Variants in SMARCB1 observed in about 807,000 individuals in gnomAD.
SMARCB1 encodes SWI/SNF related BAF chromatin remodeling complex subunit B1.
Under a neutral mutation model 49.0 loss-of-function variants are expected in SMARCB1, and 5 were observed. The observed-to-expected ratio is 0.10, with a 90% confidence interval of 0.05 to 0.21. The LOEUF (loss-of-function observed/expected upper bound fraction) is 0.21, where lower values mean the gene tolerates loss of function less well. SMARCB1 is among the 10% of genes least tolerant of loss of function. The pLI is 1.00. For synonymous variants in SMARCB1, 201 were observed against 200.1 expected (o/e 1.00, Z -0.04); for missense variants, 226 against 509.2 (o/e 0.44, Z 5.35).
rs564519294 is a variant in SMARCB1, at chr22:23,834,278, C to A, written c.*98C>A. 7.4e-7 allele frequency: 1 copy of A among 1,346,040 alleles called. No individual in the cohort carries two copies. Among genetic ancestry groups the A allele is most frequent in the Non-Finnish European group, 1.0e-6 (1 of 967,246 alleles). The allele number at this position is 1,346,040 out of a possible 1,614,324, so 83.4% of individuals were successfully genotyped here. ...GGACAGAGGCGAGGGGACAGCCCAG[C>A]GCCATCCTGAGGATCGGGTGGGGGT... is the stretch of plus-strand genomic sequence containing the variant. On this transcript the variant is annotated 3_prime_UTR_variant, in exon 9 of 9. Transcript: ENST00000644036.
intron 3 of SMARCB1, among the ~76,000 whole-genome samples, chr22:23,799,679 ATTTTT>A (rs71184912): frequency 4.2e-4 from 29 of 68,410 alleles, no homozygotes; most frequent in East Asian, 4.7e-4. Context: ...CACCTGGCTA[ATTTTT>A]TTTTTTTTTT....
In SMARCB1 at chr22:23,834,341, T is replaced by G; in HGVS notation, c.*161T>G. 1.3e-6 allele frequency: 1 copy of G among 774,764 alleles called. No homozygotes were observed. Among genetic ancestry groups the G allele is most frequent in the South Asian group, 1.5e-5 (1 of 68,640 alleles). The allele number at this position is 774,764 out of a possible 1,614,324, so 48.0% of individuals were successfully genotyped here. On this transcript the variant is annotated 3_prime_UTR_variant, in exon 9 of 9. Transcript: ENST00000644036. Reference sequence around the variant, plus strand: ...TCCAGGTGGCCCTTCCCGGCACACATTCCATTTGTTGAGCCCCAGTCCTGC... The same window carrying G: ...TCCAGGTGGCCCTTCCCGGCACACAGTCCATTTGTTGAGCCCCAGTCCTGC...
At chr22:23,831,907 G>A (rs1451980597) in intron 7 of SMARCB1, among the ~76,000 whole-genome samples, 1 of 152,116 alleles carries the variant, frequency 6.6e-6, no homozygotes. Flanking sequence ...CCCAGAGGGT[G>A]GGGGTGCCGA....
At position 23,811,330 on chromosome 22, in the gene SMARCB1, A is replaced by G. The variant is rs1015185563; in HGVS notation, c.629-5440A>G. ...AGACCTCAGCATTCCTCTCTCAACA[A>G]CCGATGGAACTGGATGGAAAATCAG... On this transcript the variant is annotated intron_variant, in intron 5 of 8. Transcript: ENST00000644036. Among the ~76,000 whole-genome samples, 3 of 152,178 alleles carry G rather than the reference A, an allele frequency of 2.0e-5. No individual in the cohort carries two copies. The East Asian group carries it at 5.8e-4, about 29-fold the overall frequency.
Position 23,787,007 on chromosome 22 carries a change from G to A in SMARCB1, c.-163G>A. 2.0e-5 allele frequency: 9 copies of A among 445,198 alleles called. No individual in the cohort carries two copies. The South Asian group carries it at 2.9e-4, about 15-fold the overall frequency. The allele number at this position is 445,198 out of a possible 1,614,324, so 27.6% of individuals were successfully genotyped here. A position where few individuals can be genotyped will look rare whatever the true frequency, so the allele number is the denominator to read the frequency against. On this transcript the variant is annotated 5_prime_UTR_variant, in exon 1 of 9. Coordinates refer to ENST00000644036, the MANE Select transcript of SMARCB1 (RefSeq NM_003073.5). The stretch of plus-strand genomic sequence containing the variant: ...TGAGGGCGGCCTGGTCGTCGTCTGC[G>A]GCGGCGGCGGCGGCTGAGGAGCCCG...
intron 3 of SMARCB1, among the ~76,000 whole-genome samples, chr22:23,794,790 C>G (rs1194961301): frequency 1.3e-5 from 2 of 151,946 alleles, no homozygotes; most frequent in Admixed American, 6.6e-5. Flanking sequence ...CCCAGCTACT[C>G]GGGAGCCTGA....
chr22:23,808,282 G>A (rs1929640432), intron 5 of SMARCB1, among the ~76,000 whole-genome samples: 1 of 152,112 alleles, frequency 6.6e-6, no homozygotes, highest in Admixed American at 6.6e-5. Context: ...CGCCATGCCC[G>A]GCTAATTTTT....
chr22:23,836,202 G>C lies in SMARCB1; in HGVS notation c.*2022G>C, dbSNP rs1282598335. ...GCTAAGGTGAAAACTTAGGCTCTGA[G>C]GTCATAGAAAGGGCAGAAGACCTAG... On this transcript the variant is annotated 3_prime_UTR_variant, in exon 9 of 9. Transcript: ENST00000644036. The C allele has an allele frequency of 3.0e-6, 3 of 985,316 alleles. No individual in the cohort carries two copies. The highest frequency in any genetic ancestry group is 1.2e-4 in the Admixed American group (2 of 16,260). 61.0% of individuals were successfully genotyped at this position (985,316 alleles called of 1,614,324 possible).
intron 7 of SMARCB1, among the ~76,000 whole-genome samples, chr22:23,828,165 G>A (rs1027160067): frequency 1.3e-5 from 2 of 152,148 alleles, no homozygotes; most frequent in Non-Finnish European, 2.9e-5. Flanking sequence ...CCATTCTCCT[G>A]CCTCAGGCTC....
chr22:23,813,705 T>C (rs550133528), intron 5 of SMARCB1, among the ~76,000 whole-genome samples: 2 of 152,334 alleles, frequency 1.3e-5, no homozygotes, highest in South Asian at 4.1e-4. Context: ...TTTCCCCAAA[T>C]TGATATACAG....
chr22:23,836,412 T>C lies in SMARCB1; in HGVS notation c.*2232T>C, dbSNP rs2031052527. The stretch of plus-strand genomic sequence containing the variant: ...GGCACAACCTAGGAGACGCCTGTCC[T>C]GGCCCCAGCAGCCGAAATCTGGTGA... On this transcript the variant is annotated 3_prime_UTR_variant, in exon 9 of 9. Coordinates refer to ENST00000644036, the MANE Select transcript of SMARCB1 (RefSeq NM_003073.5). The C allele has an allele frequency of 1.0e-6, 1 of 987,516 alleles. No individual in the cohort carries two copies. The allele number at this position is 987,516 out of a possible 1,614,324, so 61.2% of individuals were successfully genotyped here. A position where few individuals can be genotyped will look rare whatever the true frequency, so the allele number is the denominator to read the frequency against.
At chr22:23,804,820 C>T (rs1929393587) in intron 5 of SMARCB1, among the ~76,000 whole-genome samples, 1 of 152,220 alleles carries the variant, frequency 6.6e-6, no homozygotes, top group African/African-American at 2.4e-5. Flanking sequence ...GGATTACAGG[C>T]GTGAGCCACT....
chr22:23,797,820 T>C (rs562202006), intron 3 of SMARCB1, among the ~76,000 whole-genome samples: 7 of 151,816 alleles, frequency 4.6e-5, no homozygotes, highest in Admixed American at 4.6e-4. Flanking sequence ...GGTTTCACCA[T>C]GTTGGCCAGG....
Position 23,787,088 on chromosome 22 carries a change from C to T in SMARCB1, c.-82C>T. 1 of 911,526 alleles carries T rather than the reference C, an allele frequency of 1.1e-6. No individual in the cohort carries two copies. The highest frequency in any genetic ancestry group is 1.4e-5 in the South Asian group (1 of 73,132). The allele number at this position is 911,526 out of a possible 1,614,324, so 56.5% of individuals were successfully genotyped here. A position where few individuals can be genotyped will look rare whatever the true frequency, so the allele number is the denominator to read the frequency against. On this transcript the variant is annotated 5_prime_UTR_variant, in exon 1 of 9. Transcript: ENST00000644036. ...ATTTCGCCTTCCGGCTTCGGTTTCC[C>T]TCGGCCCAGCACGCCCCGGCCCCGC...
At chr22:23,822,922 C>T in intron 6 of SMARCB1, among the ~76,000 whole-genome samples, 1 of 142,576 alleles carries the variant, frequency 7.0e-6, no homozygotes, top group Admixed American at 7.3e-5. Context: ...CTCACTTAAC[C>T]TACTTAGTGT....
intron 7 of SMARCB1, among the ~76,000 whole-genome samples, chr22:23,831,297 T>G (rs1478713992): frequency 6.6e-6 from 1 of 152,212 alleles, no homozygotes; most frequent in African/African-American, 2.4e-5. Context: ...TGAGATCACA[T>G]TGAAAGTAAA....
At chr22:23,817,156 T>G in intron 6 of SMARCB1, 2 of 601,888 alleles carry the variant, frequency 3.3e-6, no homozygotes, top group East Asian at 2.8e-5. Context: ...ATTCAGGGGG[T>G]GTCTCTGAGG....
chr22:23,834,434 G>C lies in SMARCB1; in HGVS notation c.*254G>C. 1 of 696,672 alleles carries C rather than the reference G, an allele frequency of 1.4e-6. No individual in the cohort carries two copies. Among genetic ancestry groups the C allele is most frequent in the Non-Finnish European group, 2.6e-6 (1 of 383,158 alleles). The allele number at this position is 696,672 out of a possible 1,614,324, so 43.2% of individuals were successfully genotyped here. ...AGGAAGAAACCTTATTTTAGGTTGT[G>C]TTTTGTTTTTGTATAGGAGCCCCAG... On this transcript the variant is annotated 3_prime_UTR_variant, in exon 9 of 9. Transcript: ENST00000644036.
At chr22:23,802,095 C>T (rs540518634) in intron 4 of SMARCB1, 93 of 154,552 alleles carry the variant, frequency 6.0e-4, no homozygotes, top group South Asian at 2.9e-3. Context: ...TACCTCCCCT[C>T]CCTGCTGCCT....
Sources: allele counts gnomAD v4.1 joint callset (sites outside exome capture counted in the v4.1 genomes callset), GRCh38; gene constraint gnomAD v4.1.1; transcripts MANE v1.5; gene names NCBI Gene and HGNC (gene_info 2026-07-23, HGNC 2026-07-21).